Variants in SMURF1 observed in about 807,000 individuals in gnomAD.
SMURF1 encodes E3 ubiquitin-protein ligase SMURF1.
SMURF1 carries 44 observed loss-of-function variants against 98.0 expected under a neutral mutation model. That is an observed-to-expected ratio of 0.45 (90% CI 0.35 to 0.58). The LOEUF (loss-of-function observed/expected upper bound fraction) is 0.58, where lower values mean the gene tolerates loss of function less well. Ranked by LOEUF, SMURF1 falls within the 20% of genes least tolerant of loss-of-function variation. The probability of loss-of-function intolerance (pLI) is 0.00; values close to 1 mark genes in which losing one functional copy is unlikely to be tolerated. For synonymous variants in SMURF1, 396 were observed against 374.9 expected, an observed-to-expected ratio of 1.06 and a Z score of -0.65; for missense variants, 687 against 938.4, an observed-to-expected ratio of 0.73 and a Z score of 3.50.
intron 1 of SMURF1, among the ~76,000 whole-genome samples, chr7:99,062,664 C>G (rs574511128): frequency 6.6e-6 from 1 of 152,238 alleles, no homozygotes; most frequent in African/African-American, 2.4e-5. Flanking sequence ...GCCTGGCCAA[C>G]ATGGAGAAAC....
chr7:99,100,293 G>A (rs1183203925), intron 1 of SMURF1, among the ~76,000 whole-genome samples: 1 of 152,222 alleles, frequency 6.6e-6, no homozygotes, highest in Non-Finnish European at 1.5e-5. Context: ...AATGGCTCAC[G>A]CCTGTAATCC....
chr7:99,032,824 G>A (rs914409927), intron 17 of SMURF1: 25 of 713,644 alleles, frequency 3.5e-5, no homozygotes, highest in Non-Finnish European at 5.1e-5. Context: ...TCGTAATGTC[G>A]GGGGGAAAGT....
chr7:99,042,267 G>T, intron 11 of SMURF1, 35 bp from the exon 12 acceptor site: 2 of 1,461,410 alleles, frequency 1.4e-6, no homozygotes, highest in Non-Finnish European at 9.5e-7. Context: ...TTTGAGACGC[G>T]CTAAAATTTC....
intron 1 of SMURF1, among the ~76,000 whole-genome samples, chr7:99,097,002 G>T: frequency 6.6e-6 from 1 of 151,966 alleles, no homozygotes; most frequent in Non-Finnish European, 1.5e-5. Context: ...CAAACACTTG[G>T]ATAGTAGACA....
At chr7:99,129,365 G>A (rs1015508550) in intron 1 of SMURF1, among the ~76,000 whole-genome samples, 7 of 152,080 alleles carry the variant, frequency 4.6e-5, no homozygotes, top group Non-Finnish European at 1.0e-4. Flanking sequence ...CAACAACACT[G>A]AAGTGATTCC....
At chr7:99,127,912 C>G (rs975567073) in intron 1 of SMURF1, among the ~76,000 whole-genome samples, 1 of 152,130 alleles carries the variant, frequency 6.6e-6, no homozygotes, top group Non-Finnish European at 1.5e-5. Context: ...ATAGGCGATA[C>G]GAAATGTACT....
chr7:99,087,190 C>T (rs1796701262), intron 1 of SMURF1, among the ~76,000 whole-genome samples: 1 of 151,458 alleles, frequency 6.6e-6, no homozygotes, highest in African/African-American at 2.4e-5. Flanking sequence ...GGCAACATAG[C>T]AAGACCCCAT....
At chr7:99,056,998 A>G (rs117942285) in intron 5 of SMURF1, among the ~76,000 whole-genome samples, 14,344 of 149,826 alleles carry the variant, frequency 0.096, 810 homozygotes, top group East Asian at 0.21. Context: ...AAACCAAAAA[A>G]AAAAAAAAGC....
In SMURF1 at chr7:99,052,338, C is replaced by G. The variant is rs762915721; in HGVS notation, c.588G>C (p.Arg196Ser). 16 of 1,612,638 alleles carry G rather than the reference C, an allele frequency of 9.9e-6. No homozygotes were observed. The highest frequency in any genetic ancestry group is 1.1e-5 in the South Asian group (1 of 90,452). Residue 196 changes from arginine to serine, a missense_variant, in exon 7 of 18, where the codon AGG becomes AGC. By Grantham distance (110) the Arg-to-Ser change is moderately radical. Around this residue, in one of 2 missense-constraint regions of SMURF1, gnomAD observed 415 missense variants for 508.4 expected, o/e 0.82. Transcript: ENST00000361368. The part of the protein sequence containing the change: ...TGAAAGGGNC[R>S]FVESPSQDQR... ...GATCTTGACTTGGGGACTCCACGAA[C>G]CTGCAATTCCCTCCTCCAGCAGCAG...
intron 1 of SMURF1, among the ~76,000 whole-genome samples, chr7:99,127,999 T>C (rs13438150): frequency 6.6e-6 from 1 of 152,146 alleles, no homozygotes; most frequent in African/African-American, 2.4e-5. Context: ...AAACCAAAAC[T>C]CCTTTTCTAA....
intron 7 of SMURF1, 116 bp from the exon 8 acceptor site, chr7:99,051,557 T>C: frequency 1.3e-6 from 1 of 793,734 alleles, no homozygotes; most frequent in Non-Finnish European, 2.2e-6. Context: ...ACTCCCCTCT[T>C]ATCCCAGTTC....
chr7:99,125,211 T>C (rs1797718963), intron 1 of SMURF1, among the ~76,000 whole-genome samples: 1 of 152,144 alleles, frequency 6.6e-6, no homozygotes, highest in Non-Finnish European at 1.5e-5. Flanking sequence ...CCCAAGTAGC[T>C]GGAACTACAA....
chr7:99,030,491 C>A lies in SMURF1; in HGVS notation c.*93G>T. 2 of 1,052,010 alleles carry A rather than the reference C, an allele frequency of 1.9e-6. No individual in the cohort carries two copies. Among genetic ancestry groups the A allele is most frequent in the Non-Finnish European group, 2.9e-6 (2 of 688,178 alleles). The allele number at this position is 1,052,010 out of a possible 1,614,324, so 65.2% of individuals were successfully genotyped here. On this transcript the variant is annotated 3_prime_UTR_variant, in exon 18 of 18. Transcript: ENST00000361368. ...TTTCCCCTCAGGTGATCTGGAATTCCAGGGCCTCTGCCAGCTTTGCAGGAG... is the reference window on the plus strand; with the variant it reads ...TTTCCCCTCAGGTGATCTGGAATTCAAGGGCCTCTGCCAGCTTTGCAGGAG...
At chr7:99,041,779 A>C (rs1795395798) in intron 12 of SMURF1, among the ~76,000 whole-genome samples, 1 of 152,204 alleles carries the variant, frequency 6.6e-6, no homozygotes, top group Non-Finnish European at 1.5e-5. Context: ...GACCGGGAGG[A>C]GGCTGGACTT....
chr7:99,031,749 C>T (rs1794896008), intron 17 of SMURF1, among the ~76,000 whole-genome samples: 6 of 152,186 alleles, frequency 3.9e-5, no homozygotes, highest in Admixed American at 3.9e-4. Flanking sequence ...TATGAAGTCA[C>T]TTGCCCCAAA....
Position 99,047,671 on chromosome 7 carries a change from C to T in SMURF1, c.1152+13G>A. On this transcript the variant is annotated intron_variant, in intron 10 of 17. Coordinates refer to ENST00000361368, the MANE Select transcript of SMURF1 (RefSeq NM_181349.3). ...TCTGAACAGGGTCTGGGCAGTGGCC[C>T]TGAACTCTCTACCTCAAAGATTTCT... is the stretch of plus-strand genomic sequence containing the variant. 2 of 1,614,104 alleles carry T rather than the reference C, an allele frequency of 1.2e-6. No homozygotes were observed. Among genetic ancestry groups the T allele is most frequent in the Admixed American group, 1.7e-5 (1 of 60,020 alleles).
rs1238345621 is a variant in SMURF1, at chr7:99,029,738, G to A, written c.*846C>T. 6.6e-6 allele frequency: 1 copy of A among 152,214 alleles called. No individual in the cohort carries two copies. The highest frequency in any genetic ancestry group is 1.5e-5 in the Non-Finnish European group (1 of 68,052). The allele number at this position is 152,214 out of a possible 1,614,324, so 9.4% of individuals were successfully genotyped here. A position where few individuals can be genotyped will look rare whatever the true frequency, so the allele number is the denominator to read the frequency against. On this transcript the variant is annotated 3_prime_UTR_variant, in exon 18 of 18. Transcript: ENST00000361368. The stretch of plus-strand genomic sequence containing the variant: ...CTCTTCTATGGACAACAGTGGCACA[G>A]AGGTCACAGCTTTGGGACTGACTGG...
chr7:99,034,445 T>C (rs1349447703), intron 16 of SMURF1, among the ~76,000 whole-genome samples: 3 of 152,192 alleles, frequency 2.0e-5, no homozygotes, highest in Non-Finnish European at 4.4e-5. Context: ...ATGAGAAAAG[T>C]GACTTGGTCA....
At chr7:99,074,122 T>C (rs2150560106) in intron 1 of SMURF1, among the ~76,000 whole-genome samples, 1 of 152,306 alleles carries the variant, frequency 6.6e-6, no homozygotes, top group South Asian at 2.1e-4. Flanking sequence ...ATGCCACTTA[T>C]ATAAAGTACA....
Sources: allele counts gnomAD v4.1 joint callset (sites outside exome capture counted in the v4.1 genomes callset), GRCh38; gene constraint gnomAD v4.1.1; regional missense constraint gnomAD v4.1.1; transcripts MANE v1.5; gene names NCBI Gene and HGNC (gene_info 2026-07-23, HGNC 2026-07-21).